LCLAT1: variants seen among roughly 807,000 people sequenced by gnomAD.
LCLAT1 encodes the protein 1-AGP acyltransferase 8.
In LCLAT1, 11 loss-of-function variants were observed where a neutral mutation model predicts 30.7. The ratio of observed to expected loss-of-function variants is 0.36; its 90% CI spans 0.23 to 0.59. The LOEUF (loss-of-function observed/expected upper bound fraction) is 0.59, where lower values mean the gene tolerates loss of function less well. Ranked by LOEUF, LCLAT1 falls within the 20% of genes least tolerant of loss-of-function variation. The pLI is 0.77. For synonymous variants in LCLAT1, 155 were observed against 151.3 expected (o/e 1.02, Z -0.18); for missense variants, 402 against 458.6 (o/e 0.88, Z 1.13).
At chr2:30,569,338 C>T (rs1665666991) in intron 5 of LCLAT1, among the ~76,000 whole-genome samples, 1 of 152,210 alleles carries the variant, frequency 6.6e-6, no homozygotes, top group Non-Finnish European at 1.5e-5. Flanking sequence ...TATATTTATA[C>T]ACATTTGTAC....
At chr2:30,448,250 T>A (rs1681364085) in intron 1 of LCLAT1, among the ~76,000 whole-genome samples, 1 of 152,248 alleles carries the variant, frequency 6.6e-6, no homozygotes, top group Non-Finnish European at 1.5e-5. Flanking sequence ...ATGAAATATT[T>A]ATTCATATCA....
At chr2:30,548,074 A>G (rs1434969856) in intron 3 of LCLAT1, among the ~76,000 whole-genome samples, 2 of 152,092 alleles carry the variant, frequency 1.3e-5, no homozygotes, top group Non-Finnish European at 2.9e-5. Flanking sequence ...CATTTTAGCA[A>G]TTCTATTGGT....
At chr2:30,560,044 A>G (rs140462451) in intron 3 of LCLAT1, among the ~76,000 whole-genome samples, 1 of 152,266 alleles carries the variant, frequency 6.6e-6, no homozygotes, top group African/African-American at 2.4e-5. Context: ...CTCCAGAGCT[A>G]TACTACTTAC....
At chr2:30,585,469 C>T (rs540021595) in intron 5 of LCLAT1, among the ~76,000 whole-genome samples, 55 of 152,248 alleles carry the variant, frequency 3.6e-4, no homozygotes, top group African/African-American at 1.3e-3. Context: ...GTAAGTTCAC[C>T]GTCTGCATGA....
intron 5 of LCLAT1, among the ~76,000 whole-genome samples, chr2:30,612,582 A>G (rs1043438612): frequency 2.0e-5 from 3 of 152,208 alleles, no homozygotes; most frequent in Admixed American, 6.5e-5. Context: ...TAACAATAAT[A>G]TAGTGATTGC....
At chr2:30,531,965 A>G (rs868694321) in intron 2 of LCLAT1, among the ~76,000 whole-genome samples, 2 of 152,196 alleles carry the variant, frequency 1.3e-5, no homozygotes, top group Admixed American at 1.3e-4. Flanking sequence ...CAAGCTACCT[A>G]GACTTCCAAT....
chr2:30,487,974 T>A (rs1206720006), intron 1 of LCLAT1, among the ~76,000 whole-genome samples: 1 of 152,238 alleles, frequency 6.6e-6, no homozygotes, highest in Non-Finnish European at 1.5e-5. Context: ...TGGTGATTAC[T>A]GCATTCCTCT....
intron 5 of LCLAT1, among the ~76,000 whole-genome samples, chr2:30,602,845 C>G (rs1358104356): frequency 6.6e-6 from 1 of 152,110 alleles, no homozygotes; most frequent in South Asian, 2.1e-4. Context: ...CCATCCCTGT[C>G]TTTTGGTTGA....
intron 5 of LCLAT1, among the ~76,000 whole-genome samples, chr2:30,615,807 A>G (rs925889057): frequency 1.3e-5 from 2 of 152,218 alleles, no homozygotes; most frequent in Non-Finnish European, 2.9e-5. Context: ...AAGGTACATT[A>G]TATACTGCAA....
chr2:30,509,362 T>G (rs1487842213), intron 1 of LCLAT1, among the ~76,000 whole-genome samples: 1 of 152,210 alleles, frequency 6.6e-6, no homozygotes, highest in Non-Finnish European at 1.5e-5. Context: ...GGGGAATGCC[T>G]TCACTTTCGT....
chr2:30,597,281 A>G (rs894308339), intron 5 of LCLAT1, among the ~76,000 whole-genome samples: 1 of 151,714 alleles, frequency 6.6e-6, no homozygotes, highest in African/African-American at 2.4e-5. Flanking sequence ...ATGAGCATGG[A>G]GTGTTTTTCC....
At chr2:30,550,872 A>C (rs1192696721) in intron 3 of LCLAT1, among the ~76,000 whole-genome samples, 1 of 152,138 alleles carries the variant, frequency 6.6e-6, no homozygotes, top group Non-Finnish European at 1.5e-5. Flanking sequence ...TTTAATTAGT[A>C]ATTTAATAAT....
chr2:30,580,242 C>G (rs78484227), intron 5 of LCLAT1, among the ~76,000 whole-genome samples: 1,665 of 152,250 alleles, frequency 0.011, 15 homozygotes, highest in Non-Finnish European at 0.017. Flanking sequence ...TAATTTTATA[C>G]TTGCAAATAT....
intron 1 of LCLAT1, among the ~76,000 whole-genome samples, chr2:30,524,157 A>G (rs1353805331): frequency 6.6e-6 from 1 of 152,152 alleles, no homozygotes; most frequent in Non-Finnish European, 1.5e-5. Context: ...AGGTTGTAAA[A>G]TCAAATGTTT....
intron 1 of LCLAT1, among the ~76,000 whole-genome samples, chr2:30,495,378 A>G (rs987719029): frequency 3.3e-4 from 50 of 152,124 alleles, no homozygotes; most frequent in Admixed American, 2.8e-3. Context: ...CCCTTTCATA[A>G]TAAATATTTC....
At chr2:30,450,970 G>A (rs1681516124) in intron 1 of LCLAT1, among the ~76,000 whole-genome samples, 1 of 148,324 alleles carries the variant, frequency 6.7e-6, no homozygotes, top group South Asian at 2.2e-4. Context: ...ATCTGACCAA[G>A]GACTCATACC....
At chr2:30,560,253 G>A (rs1431197403) in intron 3 of LCLAT1, among the ~76,000 whole-genome samples, 1 of 151,290 alleles carries the variant, frequency 6.6e-6, no homozygotes, top group African/African-American at 2.4e-5. Flanking sequence ...CAGTATTCTA[G>A]TTTGGACTTA....
chr2:30,461,809 C>T (rs1245867975), intron 1 of LCLAT1, among the ~76,000 whole-genome samples: 10 of 122,406 alleles, frequency 8.2e-5, no homozygotes, highest in Non-Finnish European at 1.2e-4. Flanking sequence ...CTCGCTCTGT[C>T]GCCCAGGCTG....
chr2:30,550,909 T>G (rs900751780), intron 3 of LCLAT1, among the ~76,000 whole-genome samples: 11 of 152,202 alleles, frequency 7.2e-5, no homozygotes, highest in African/African-American at 2.7e-4. Flanking sequence ...TGATATTTAT[T>G]TTAATTTTTA....
Sources: allele counts gnomAD v4.1 joint callset (sites outside exome capture counted in the v4.1 genomes callset), GRCh38; gene constraint gnomAD v4.1.1; transcripts MANE v1.5; gene names NCBI Gene and HGNC (gene_info 2026-07-23, HGNC 2026-07-21).